Variants in SAMD5 observed in about 807,000 individuals in gnomAD.
SAMD5 encodes sterile alpha motif domain-containing protein 5.
Under a neutral mutation model 11.3 loss-of-function variants are expected in SAMD5, and 13 were observed. The ratio of observed to expected loss-of-function variants is 1.15; its 90% confidence interval spans 0.75 to 1.83. The LOEUF (loss-of-function observed/expected upper bound fraction) is 1.83, where lower values mean the gene tolerates loss of function less well. Ranked by LOEUF, SAMD5 falls within the 40% of genes most tolerant of loss-of-function variation. SAMD5 has a pLI of 0.00. For missense variants in SAMD5, 255 were observed against 239.1 expected, an observed-to-expected ratio of 1.07 and a Z score of -0.44; for synonymous variants, 129 against 111.3, an observed-to-expected ratio of 1.16 and a Z score of -1.00.
intron 1 of SAMD5, among the ~76,000 whole-genome samples, chr6:147,736,626 A>G (rs192021642): frequency 1.1e-3 from 171 of 152,340 alleles, no homozygotes; most frequent in African/African-American, 4.0e-3. Flanking sequence ...GACTTTCTTG[A>G]GAGCATGTTC....
chr6:147,700,687 G>A (rs1791242011), intron 1 of SAMD5, among the ~76,000 whole-genome samples: 1 of 152,250 alleles, frequency 6.6e-6, no homozygotes, highest in Non-Finnish European at 1.5e-5. Context: ...TACATTAGAA[G>A]TATGTACCAC....
At chr6:147,752,163 G>C in the SAMD5 span, among the ~76,000 whole-genome samples, 1 of 152,104 alleles carries the variant, frequency 6.6e-6, no homozygotes. Context: ...TAAGCATCTT[G>C]TTCTTGAAGT....
chr6:147,766,074 T>A, the SAMD5 span, among the ~76,000 whole-genome samples: 1 of 148,348 alleles, frequency 6.7e-6, no homozygotes, highest in African/African-American at 2.5e-5. Context: ...AGGCAGTGCT[T>A]GAAAATTAAA....
At chr6:147,949,293 C>A in the SAMD5 span, among the ~76,000 whole-genome samples, 1 of 152,110 alleles carries the variant, frequency 6.6e-6, no homozygotes, top group African/African-American at 2.4e-5. Flanking sequence ...CAAGAGTGAA[C>A]AAATACAGTA....
chr6:147,922,479 C>T, the SAMD5 span, among the ~76,000 whole-genome samples: 8 of 152,034 alleles, frequency 5.3e-5, no homozygotes, highest in South Asian at 2.1e-4. Flanking sequence ...GTGGCTCTGC[C>T]CCTCTACGCT....
chr6:147,588,604 G>A (rs1789408932), intron 1 of SAMD5, among the ~76,000 whole-genome samples: 1 of 151,756 alleles, frequency 6.6e-6, no homozygotes, highest in Admixed American at 6.6e-5. Flanking sequence ...GAGATTACAG[G>A]CATGAGCCAC....
chr6:147,541,839 C>T (rs1285486189), intron 1 of SAMD5, among the ~76,000 whole-genome samples: 5 of 152,202 alleles, frequency 3.3e-5, no homozygotes, highest in South Asian at 2.1e-4. Context: ...CAAACCAGGA[C>T]TCTTCCTACT....
intron 1 of SAMD5, among the ~76,000 whole-genome samples, chr6:147,693,853 C>T (rs970715155): frequency 6.6e-6 from 1 of 152,098 alleles, no homozygotes; most frequent in African/African-American, 2.4e-5. Flanking sequence ...TCTGTAATCC[C>T]AGCTACTCGG....
chr6:147,757,573 T>G, the SAMD5 span, among the ~76,000 whole-genome samples: 1 of 152,218 alleles, frequency 6.6e-6, no homozygotes, highest in African/African-American at 2.4e-5. Context: ...TCAGTTCTGG[T>G]ACTTCAGTTT....
chr6:147,931,026 A>T, the SAMD5 span, among the ~76,000 whole-genome samples: 1 of 152,192 alleles, frequency 6.6e-6, no homozygotes, highest in African/African-American at 2.4e-5. Flanking sequence ...TCAAGTTGAC[A>T]GCTAATGTTA....
At chr6:147,821,366 A>G in the SAMD5 span, among the ~76,000 whole-genome samples, 1 of 152,164 alleles carries the variant, frequency 6.6e-6, no homozygotes, top group Non-Finnish European at 1.5e-5. Flanking sequence ...TATACCCTTA[A>G]CGGTGTTTTA....
chr6:147,812,267 G>A, the SAMD5 span, among the ~76,000 whole-genome samples: 1 of 152,196 alleles, frequency 6.6e-6, no homozygotes, highest in Non-Finnish European at 1.5e-5. Flanking sequence ...TGGAGGAAAA[G>A]TCTGCAGTGT....
the SAMD5 span, among the ~76,000 whole-genome samples, chr6:147,774,002 C>T: frequency 6.6e-6 from 1 of 152,060 alleles, no homozygotes; most frequent in African/African-American, 2.4e-5. Flanking sequence ...ACCAACACAC[C>T]CAGCTAATGT....
intron 1 of SAMD5, among the ~76,000 whole-genome samples, chr6:147,582,367 G>T (rs1789312466): frequency 6.6e-6 from 1 of 151,950 alleles, no homozygotes; most frequent in South Asian, 2.1e-4. Flanking sequence ...GGGTGTGGCT[G>T]CAGATAAGTT....
intron 1 of SAMD5, among the ~76,000 whole-genome samples, chr6:147,653,060 CT>C (rs1455415206): frequency 6.6e-6 from 1 of 152,054 alleles, no homozygotes; most frequent in Non-Finnish European, 1.5e-5. Context: ...TATAAATATA[CT>C]TTCTGAGTAG....
intron 1 of SAMD5, among the ~76,000 whole-genome samples, chr6:147,547,919 T>G (rs546422980): frequency 7.2e-5 from 11 of 152,286 alleles, no homozygotes; most frequent in Non-Finnish European, 1.6e-4. Flanking sequence ...TAGATACTGA[T>G]AGGGGAAGAG....
the SAMD5 span, among the ~76,000 whole-genome samples, chr6:147,941,177 G>A: frequency 2.1e-3 from 315 of 152,210 alleles, 1 homozygote; most frequent in African/African-American, 7.3e-3. Flanking sequence ...CAATATTAGA[G>A]GCAATACCTA....
intron 1 of SAMD5, among the ~76,000 whole-genome samples, chr6:147,562,955 A>G (rs1788977892): frequency 6.6e-6 from 1 of 152,214 alleles, no homozygotes; most frequent in Non-Finnish European, 1.5e-5. Context: ...TTGTTCAGAT[A>G]GGTTGAAGAT....
chr6:147,938,277 T>C, the SAMD5 span, among the ~76,000 whole-genome samples: 2 of 126,342 alleles, frequency 1.6e-5, no homozygotes, highest in South Asian at 7.1e-4. Flanking sequence ...AATACTTTCA[T>C]TAAAAGATCA....
Sources: gnomAD v4.1 joint callset for allele counts (sites outside exome capture counted in the v4.1 genomes callset) on GRCh38, gnomAD v4.1.1 for gene constraint, MANE v1.5 for transcripts, NCBI Gene and HGNC (gene_info 2026-07-23, HGNC 2026-07-21) for gene names.